NALF1: variants seen among roughly 807,000 people sequenced by gnomAD.
NALF1 encodes the protein family with sequence similarity 155 member A.
NALF1 carries 3 observed loss-of-function variants against 48.4 expected under a neutral mutation model. The observed-to-expected ratio is 0.06, with a 90% CI of 0.03 to 0.16. NALF1 has a LOEUF of 0.16. NALF1 is among the 10% of genes least tolerant of loss of function. The pLI is 1.00. For synonymous variants in NALF1, 262 were observed against 245.7 expected, an observed-to-expected ratio of 1.07 and a Z score of -0.62; for missense variants, 526 against 571.5, an observed-to-expected ratio of 0.92 and a Z score of 0.81.
intron 1 of NALF1, among the ~76,000 whole-genome samples, chr13:107,395,546 T>C (rs1883698170): frequency 6.6e-6 from 1 of 152,136 alleles, no homozygotes; most frequent in Admixed American, 6.6e-5. Flanking sequence ...CATAGGCGTG[T>C]CTGCTGGGGG....
In NALF1 at chr13:107,368,486, A is replaced by G. The variant is rs138204592; in HGVS notation, c.916-157731T>C. Among the ~76,000 whole-genome samples the G allele has an allele frequency of 7.1e-3, 1,087 of 152,030 alleles. 8 individuals are homozygous for G. Among genetic ancestry groups the G allele is most frequent in the African/African-American group, 0.024 (997 of 41,458 alleles). ...TTCTTACAGCTCTGGAAAAAGCTCAAAGTACCATCAGCAGGGCCACGCTTG... is the reference window on the plus strand; with the variant it reads ...TTCTTACAGCTCTGGAAAAAGCTCAGAGTACCATCAGCAGGGCCACGCTTG... On this transcript the variant is annotated intron_variant, in intron 1 of 2. Coordinates refer to ENST00000375915, the MANE Select transcript of NALF1 (RefSeq NM_001080396.3).
chr13:107,378,096 T>A (rs1883370324), intron 1 of NALF1, among the ~76,000 whole-genome samples: 1 of 152,172 alleles, frequency 6.6e-6, no homozygotes, highest in African/African-American at 2.4e-5. Context: ...GAACTTAAAA[T>A]GTAACAGGCA....
chr13:107,165,886 T>C lies in NALF1; in HGVS notation c.*4611A>G, dbSNP rs890455314. 5 of 152,156 alleles carry C rather than the reference T, an allele frequency of 3.3e-5. No individual in the cohort carries two copies. Among genetic ancestry groups the C allele is most frequent in the Admixed American group, 6.5e-5 (1 of 15,272 alleles). 9.4% of individuals were successfully genotyped at this position (152,156 alleles called of 1,614,324 possible). Reference sequence around the variant, plus strand: ...TCTGTTTCCCTTGTCAAAGTAGATATGGTTTTTAAATGACCATGCTGCTCT... The same window carrying C: ...TCTGTTTCCCTTGTCAAAGTAGATACGGTTTTTAAATGACCATGCTGCTCT... On this transcript the variant is annotated 3_prime_UTR_variant, in exon 3 of 3. Coordinates refer to ENST00000375915, the MANE Select transcript of NALF1 (RefSeq NM_001080396.3).
chr13:107,324,655 G>A (rs953581007), intron 1 of NALF1, among the ~76,000 whole-genome samples: 14 of 152,082 alleles, frequency 9.2e-5, no homozygotes, highest in Non-Finnish European at 1.5e-4. Flanking sequence ...AGAATGTTGC[G>A]TATCAGTTGT....
chr13:107,704,133 T>C (rs947245135), intron 1 of NALF1, among the ~76,000 whole-genome samples: 15 of 152,134 alleles, frequency 9.9e-5, no homozygotes, highest in African/African-American at 3.6e-4. Flanking sequence ...TTAAAGAAAT[T>C]TTTGGTCCTT....
In NALF1 at chr13:107,613,029, GAAAT is replaced by G. The variant is rs1312868489; in HGVS notation, c.915+252649_915+252652del. On this transcript the variant is annotated intron_variant, in intron 1 of 2. Coordinates refer to ENST00000375915, the MANE Select transcript of NALF1 (RefSeq NM_001080396.3). ...AAAAAAAAAAAGAAAAGAAAAGAAA[GAAAT>G]GAGTCCCGCCTCCCCTGGAGGAAGG... Among the ~76,000 whole-genome samples the G allele has an allele frequency of 4.0e-5, 6 of 149,870 alleles. No homozygotes were observed. In the East Asian group the frequency reaches 1.2e-3, roughly 29 times the overall value.
chr13:107,535,118 A>T (rs1278508150), intron 1 of NALF1, among the ~76,000 whole-genome samples: 1 of 152,150 alleles, frequency 6.6e-6, no homozygotes. Flanking sequence ...CAATCATGTC[A>T]TCTGCAAACA....
intron 1 of NALF1, among the ~76,000 whole-genome samples, chr13:107,368,572 C>G (rs1883192971): frequency 6.6e-6 from 1 of 152,168 alleles, no homozygotes; most frequent in Non-Finnish European, 1.5e-5. Flanking sequence ...TGGTTGCAGG[C>G]ACTTCTTGGC....
chr13:107,562,932 T>C (rs1877689508), intron 1 of NALF1, among the ~76,000 whole-genome samples: 1 of 152,208 alleles, frequency 6.6e-6, no homozygotes, highest in South Asian at 2.1e-4. Flanking sequence ...AAAGTTGACT[T>C]TTGAAATGTT....
intron 1 of NALF1, among the ~76,000 whole-genome samples, chr13:107,462,558 C>T (rs1884936589): frequency 1.3e-5 from 2 of 152,200 alleles, no homozygotes; most frequent in Admixed American, 6.5e-5. Context: ...CAGGCCCAGG[C>T]TGCCCAAGCC....
chr13:107,528,840 G>T (rs1876528584), intron 1 of NALF1, among the ~76,000 whole-genome samples: 1 of 152,186 alleles, frequency 6.6e-6, no homozygotes, highest in Admixed American at 6.5e-5. Flanking sequence ...ATCAGTTAAA[G>T]AACCAAAGAG....
chr13:107,305,216 C>T (rs552739764), intron 1 of NALF1, among the ~76,000 whole-genome samples: 1 of 152,212 alleles, frequency 6.6e-6, no homozygotes, highest in South Asian at 2.1e-4. Context: ...TTTAGGGACC[C>T]CCAAAAAGCA....
chr13:107,843,798 G>A lies in NALF1; in HGVS notation c.915+21884C>T, dbSNP rs953493128. ...TAGAAACATAAGCCATCTGCGAATG[G>A]AATCAGACCAAAAAATAAATTGAGA... On this transcript the variant is annotated intron_variant, in intron 1 of 2. Coordinates refer to ENST00000375915, the MANE Select transcript of NALF1 (RefSeq NM_001080396.3). 3.9e-5 allele frequency among the ~76,000 whole-genome samples: 6 copies of A among 152,176 alleles called. No homozygotes were observed. The South Asian group carries it at 1.0e-3, about 26-fold the overall frequency.
chr13:107,557,009 T>A (rs947989837), intron 1 of NALF1, among the ~76,000 whole-genome samples: 1 of 152,202 alleles, frequency 6.6e-6, no homozygotes, highest in African/African-American at 2.4e-5. Context: ...CTCTGAAATA[T>A]CATGTGTTGG....
intron 1 of NALF1, among the ~76,000 whole-genome samples, chr13:107,772,537 T>A (rs1381214203): frequency 6.6e-6 from 1 of 152,202 alleles, no homozygotes; most frequent in Non-Finnish European, 1.5e-5. Context: ...TTTCAGGAGT[T>A]ATATAAATGC....
At chr13:107,553,866 T>C (rs1190955516) in intron 1 of NALF1, among the ~76,000 whole-genome samples, 1 of 152,076 alleles carries the variant, frequency 6.6e-6, no homozygotes, top group Admixed American at 6.6e-5. Flanking sequence ...TTCATGTTAG[T>C]ACTTATCCTA....
In NALF1 at chr13:107,548,475, T is replaced by C. The variant is rs113997034; in HGVS notation, c.915+317207A>G. On this transcript the variant is annotated intron_variant, in intron 1 of 2. Coordinates refer to ENST00000375915, the MANE Select transcript of NALF1 (RefSeq NM_001080396.3). ...AGAATGATTCATATCCCTCTGGGTA[T>C]ACATCCAGTAATGGGATTGCTGGGT... Among the ~76,000 whole-genome samples, 680 of 152,282 alleles carry C rather than the reference T, an allele frequency of 4.5e-3. 5 individuals are homozygous for C. Among genetic ancestry groups the C allele is most frequent in the African/African-American group, 0.015 (638 of 41,560 alleles).
At chr13:107,282,641 G>C (rs945276637) in intron 1 of NALF1, among the ~76,000 whole-genome samples, 1 of 152,222 alleles carries the variant, frequency 6.6e-6, no homozygotes, top group African/African-American at 2.4e-5. Flanking sequence ...CAGCAAGTAT[G>C]TTGTAAGGAC....
intron 1 of NALF1, among the ~76,000 whole-genome samples, chr13:107,292,490 T>C (rs949763130): frequency 6.6e-6 from 1 of 152,240 alleles, no homozygotes; most frequent in Non-Finnish European, 1.5e-5. Flanking sequence ...ATTCCATTTT[T>C]AATTTTTAAA....
Sources: allele counts gnomAD v4.1 joint callset (sites outside exome capture counted in the v4.1 genomes callset), GRCh38; gene constraint gnomAD v4.1.1; transcripts MANE v1.5; gene names NCBI Gene and HGNC (gene_info 2026-07-23, HGNC 2026-07-21).